The following GUCY2C variants were observed in gnomAD, a reference collection of about 807,000 sequenced individuals.
GUCY2C encodes the protein guanylyl cyclase C.
Under a neutral mutation model 131.1 loss-of-function variants are expected in GUCY2C, and 118 were observed. The ratio of observed to expected loss-of-function variants is 0.90; its 90% CI spans 0.78 to 1.05. The LOEUF (loss-of-function observed/expected upper bound fraction) is 1.05, where lower values mean the gene tolerates loss of function less well. Among genes scored for constraint, GUCY2C ranks in the 50% least tolerant of loss-of-function variants. GUCY2C has a pLI of 0.00. For missense variants in GUCY2C, 1,161 were observed against 1,304.4 expected, an observed-to-expected ratio of 0.89 and a Z score of 1.69; for synonymous variants, 452 against 457.8, an observed-to-expected ratio of 0.99 and a Z score of 0.16.
At chr12:14,693,634 T>C (rs895059111) in intron 1 of GUCY2C, among the ~76,000 whole-genome samples, 5 of 152,230 alleles carry the variant, frequency 3.3e-5, no homozygotes, top group African/African-American at 1.2e-4. Flanking sequence ...ACCTGTACCT[T>C]TTGTGTTTAC....
intron 4 of GUCY2C, 92 bp downstream of exon 4, chr12:14,682,950 G>A (rs901184639): frequency 1.8e-5 from 14 of 786,006 alleles, no homozygotes; most frequent in Middle Eastern, 3.2e-4. Context: ...GTTACCAGTG[G>A]AAGGTGCATC....
chr12:14,664,945 G>A (rs1428944813), intron 10 of GUCY2C, among the ~76,000 whole-genome samples: 2 of 152,180 alleles, frequency 1.3e-5, no homozygotes, highest in African/African-American at 2.4e-5. Context: ...GGGGCGCGGT[G>A]TCTCACACCT....
chr12:14,676,937 C>A lies in GUCY2C; in HGVS notation c.865G>T (p.Asp289Tyr). ...AGAACAAGGACATTTTTCATATAGT[C>A]AGGGGCTGTGACATTGTCCTCAAAG... ...QYFEDNVTAP[D>Y]YMKNVLVLTL... Residue 289 changes from aspartate to tyrosine, a missense_variant, in exon 7 of 27, where the codon GAC (aspartate) becomes TAC (tyrosine). Physicochemically the swap from Asp to Tyr is radical, Grantham distance 160 (BLOSUM62 -3). Coordinates refer to ENST00000261170, the MANE Select transcript of GUCY2C (RefSeq NM_004963.4). 1 of 1,561,022 alleles carries A rather than the reference C, an allele frequency of 6.4e-7. No individual in the cohort carries two copies.
intron 21 of GUCY2C, 144 bp from the exon 22 acceptor site, chr12:14,622,341 G>GT: frequency 5.3e-6 from 3 of 563,326 alleles, no homozygotes; most frequent in Non-Finnish European, 9.2e-6. Context: ...GGAAACAGAG[G>GT]TTGTGTATAT....
chr12:14,626,836 C>T (rs574812808), intron 20 of GUCY2C, among the ~76,000 whole-genome samples: 2 of 152,118 alleles, frequency 1.3e-5, no homozygotes, highest in South Asian at 2.1e-4. Flanking sequence ...AAACAGGTGA[C>T]GTTTTACTTT....
intron 7 of GUCY2C, among the ~76,000 whole-genome samples, chr12:14,675,147 G>T (rs561180304): frequency 7.1e-6 from 1 of 141,692 alleles, no homozygotes; most frequent in African/African-American, 2.6e-5. Flanking sequence ...GGAGGTGGAG[G>T]TTGCAGTGAG....
intron 20 of GUCY2C, among the ~76,000 whole-genome samples, chr12:14,626,302 CAG>C (rs1947016161): frequency 6.6e-6 from 1 of 152,058 alleles, no homozygotes; most frequent in South Asian, 2.1e-4. Context: ...GCCTGGGTGA[CAG>C]AGTGAGACTC....
At chr12:14,670,689 G>A (rs1286925562) in intron 9 of GUCY2C, among the ~76,000 whole-genome samples, 2 of 151,858 alleles carry the variant, frequency 1.3e-5, no homozygotes, top group East Asian at 2.0e-4. Context: ...TTTTATAAGA[G>A]GTTTCCCCTT....
At chr12:14,657,209 G>A (rs572627515) in intron 11 of GUCY2C, among the ~76,000 whole-genome samples, 15 of 152,066 alleles carry the variant, frequency 9.9e-5, no homozygotes, top group Non-Finnish European at 1.6e-4. Context: ...CAATACTAAA[G>A]GATTTAAACT....
At chr12:14,685,099 C>G (rs1173775977) in intron 3 of GUCY2C, among the ~76,000 whole-genome samples, 1 of 152,172 alleles carries the variant, frequency 6.6e-6, no homozygotes, top group East Asian at 1.9e-4. Context: ...ACTTAATTCT[C>G]TCTACTCTGC....
In GUCY2C at chr12:14,676,945, G is replaced by A; in HGVS notation, c.857C>T (p.Thr286Ile). The change falls in exon 7 of 27, where the codon ACA becomes ATA. Residue 286 changes from threonine to isoleucine, a missense_variant. Physicochemically the swap from Thr to Ile is moderately conservative, Grantham distance 89. Transcript: ENST00000261170. ...FNDQYFEDNV[T>I]APDYMKNVLV... ...GACATTTTTCATATAGTCAGGGGCT[G>A]TGACATTGTCCTCAAAGTACTGGTC... 1 of 1,548,384 alleles carries A rather than the reference G, an allele frequency of 6.5e-7. No individual in the cohort carries two copies. Among genetic ancestry groups the A allele is most frequent in the Non-Finnish European group, 8.8e-7 (1 of 1,131,356 alleles).
In GUCY2C at chr12:14,674,635, G is replaced by C. The variant is rs775938690; in HGVS notation, c.1074C>G (p.Leu358=). ...TPKFAHAFRN[L]TFEGYDGPVT... is the part of the protein sequence containing the mutation. ...TTAGTAGACCAGTACCTTCAAAAGT[G>C]AGATTCCTGAAAGCATGAGCAAATT... Residue 358 remains leucine, a synonymous_variant, in exon 8 of 27, where the codon CTC becomes CTG. Coordinates refer to ENST00000261170, the MANE Select transcript of GUCY2C (RefSeq NM_004963.4). 1 of 1,613,434 alleles carries C rather than the reference G, an allele frequency of 6.2e-7. No individual in the cohort carries two copies. Among genetic ancestry groups the C allele is most frequent in the Non-Finnish European group, 8.5e-7 (1 of 1,179,712 alleles).
chr12:14,645,272 A>G lies in GUCY2C; in HGVS notation c.1754T>C (p.Met585Thr). The G allele has an allele frequency of 6.3e-7, 1 of 1,597,500 alleles. No individual in the cohort carries two copies. Among genetic ancestry groups the G allele is most frequent in the Non-Finnish European group, 8.6e-7 (1 of 1,165,290 alleles). The change falls in exon 16 of 27, where the codon ATG becomes ACG. Residue 585 changes from methionine (M) to threonine (T), a missense_variant. Physicochemically the swap from Met to Thr is moderately conservative, Grantham distance 81 (BLOSUM62 -1). Transcript: ENST00000261170. ...DTISYPDGTF[M>T]DWEFKISVLY... ...GACAGAGATCTTAAACTCCCAATCCATGAATGTGCCATCAGGGTAGGAAAT... is the reference window on the plus strand; with the variant it reads ...GACAGAGATCTTAAACTCCCAATCCGTGAATGTGCCATCAGGGTAGGAAAT...
intron 8 of GUCY2C, 129 bp downstream of exon 8, chr12:14,674,496 C>A (rs1157398196): frequency 1.2e-6 from 1 of 845,846 alleles, no homozygotes; most frequent in Admixed American, 1.7e-5. Context: ...ATGATGTTTG[C>A]ATCCAGTTGA....
chr12:14,645,406 A>T, intron 15 of GUCY2C, 91 bp from the exon 16 acceptor site: 1 of 659,688 alleles, frequency 1.5e-6, no homozygotes, highest in South Asian at 1.8e-5. Flanking sequence ...TCTTCAAATT[A>T]TGAAACCTTA....
chr12:14,630,939 C>T (rs189384560), intron 19 of GUCY2C, among the ~76,000 whole-genome samples: 545 of 152,234 alleles, frequency 3.6e-3, no homozygotes, highest in Non-Finnish European at 6.3e-3. Flanking sequence ...AAAGGATATG[C>T]TGATTGTGTG....
intron 8 of GUCY2C, 47 bp downstream of exon 8, chr12:14,674,578 C>T (rs1364173392): frequency 1.3e-6 from 2 of 1,584,050 alleles, no homozygotes; most frequent in Non-Finnish European, 1.7e-6. Flanking sequence ...ACTCAGAAAG[C>T]CTACATTTCT....
intron 24 of GUCY2C, among the ~76,000 whole-genome samples, chr12:14,617,760 G>A (rs975767038): frequency 2.0e-5 from 3 of 152,084 alleles, no homozygotes; most frequent in African/African-American, 7.2e-5. Context: ...ATTGCTAAAC[G>A]CTTAACATGA....
intron 7 of GUCY2C, 143 bp from the exon 8 acceptor site, chr12:14,674,903 G>A (rs1433378300): frequency 1.5e-6 from 1 of 655,428 alleles, no homozygotes; most frequent in Non-Finnish European, 2.6e-6. Context: ...TATTAAAGGA[G>A]ACTTTTAGAA....
Sources: allele counts gnomAD v4.1 joint callset (sites outside exome capture counted in the v4.1 genomes callset), GRCh38; gene constraint gnomAD v4.1.1; transcripts MANE v1.5; gene names NCBI Gene and HGNC (gene_info 2026-07-23, HGNC 2026-07-21).